The following ZNF37A variants were observed in gnomAD, a reference collection of about 807,000 sequenced individuals.
ZNF37A encodes zinc finger protein 37a (KOX 21).
Under a neutral mutation model 12.3 loss-of-function variants are expected in ZNF37A, and 10 were observed. The ratio of observed to expected loss-of-function variants is 0.82; its 90% CI spans 0.50 to 1.38. ZNF37A has a LOEUF of 1.38. Among genes scored for constraint, ZNF37A ranks in the 40% most tolerant of loss-of-function variants. The pLI, the probability that ZNF37A is intolerant of heterozygous loss-of-function variation, is 0.00. For missense variants in ZNF37A, 580 were observed against 651.2 expected, an observed-to-expected ratio of 0.89 and a Z score of 1.19; for synonymous variants, 207 against 223.0, an observed-to-expected ratio of 0.93 and a Z score of 0.64.
At chr10:38,145,196 A>T (rs1355216959) in intron 7 of ZNF37A, among the ~76,000 whole-genome samples, 1 of 138,194 alleles carries the variant, frequency 7.2e-6, no homozygotes, top group East Asian at 2.2e-4. Flanking sequence ...AAAATGAACA[A>T]CAATAAAAGC....
chr10:38,097,194 C>T (rs748697725), intron 5 of ZNF37A, among the ~76,000 whole-genome samples: 9 of 152,132 alleles, frequency 5.9e-5, no homozygotes, highest in Non-Finnish European at 1.2e-4. Context: ...GACAATCTTG[C>T]AGTTACATGA....
intron 7 of ZNF37A, among the ~76,000 whole-genome samples, chr10:38,135,277 C>T (rs1328353255): frequency 6.6e-6 from 1 of 152,178 alleles, no homozygotes; most frequent in Admixed American, 6.5e-5. Flanking sequence ...CCCAGCTACT[C>T]AGGAGGCTGA....
chr10:38,115,830 C>G (rs1052558894), intron 7 of ZNF37A: 36 of 152,258 alleles, frequency 2.4e-4, no homozygotes, highest in African/African-American at 8.7e-4. Context: ...GGGAGGATCA[C>G]TTCAGCCCAG....
intron 5 of ZNF37A, among the ~76,000 whole-genome samples, chr10:38,099,950 C>T (rs187598608): frequency 1.2e-4 from 19 of 152,238 alleles, no homozygotes; most frequent in Non-Finnish European, 2.2e-4. Flanking sequence ...GGAACCTGCT[C>T]CGATAGTCAC....
At chr10:38,114,731 C>A in intron 5 of ZNF37A, 24 bp from the exon 6 acceptor site, 3 of 1,613,940 alleles carry the variant, frequency 1.9e-6, no homozygotes, top group Non-Finnish European at 2.5e-6. Flanking sequence ...TCACTTCAGA[C>A]TGAGCAAAAT....
rs2069847477 is a variant in ZNF37A, at chr10:38,123,770, A to G, written c.*4933A>G. On this transcript the variant is annotated 3_prime_UTR_variant, in exon 8 of 8. Transcript: ENST00000685332. ...ATCATTGATCCATTAGAGAAATGCA[A>G]ATCAAAACTACAATAAGATATCATC... 1 of 152,210 alleles carries G rather than the reference A, an allele frequency of 6.6e-6. No individual in the cohort carries two copies. The highest frequency in any genetic ancestry group is 2.1e-4 in the South Asian group (1 of 4,828). 9.4% of individuals were successfully genotyped at this position (152,210 alleles called of 1,614,324 possible). A position where few individuals can be genotyped will look rare whatever the true frequency, so the allele number is the denominator to read the frequency against.
intron 7 of ZNF37A, among the ~76,000 whole-genome samples, chr10:38,135,020 T>C (rs2070088732): frequency 6.6e-6 from 1 of 152,242 alleles, no homozygotes; most frequent in Non-Finnish European, 1.5e-5. Flanking sequence ...TGGTAGTTAC[T>C]ATAGGGATTA....
At chr10:38,146,809 G>C (rs903177423) in exon 8 of ZNF37A, 1 of 398,254 alleles carries the variant, frequency 2.5e-6, no homozygotes, top group African/African-American at 2.1e-5. Flanking sequence ...GACTCCAACC[G>C]AGCGGCACTA....
At position 38,117,738 on chromosome 10, in the gene ZNF37A, C is replaced by G. The variant is rs867818579; in HGVS notation, c.587C>G (p.Pro196Arg). The part of the protein sequence containing the change: ...SFFITHQQTH[P>R]RENHYGNECG... The stretch of plus-strand genomic sequence containing the variant: ...TTCATCACTCATCAGCAAACACATC[C>G]AAGAGAAAACCACTATGGTAATGAA... Residue 196 changes from proline to arginine, a missense_variant, in exon 8 of 8, where the codon CCA (proline) becomes CGA (arginine). By Grantham distance (103) the Pro-to-Arg change is moderately radical (BLOSUM62 -2). Coordinates refer to ENST00000685332, the MANE Select transcript of ZNF37A (RefSeq NM_001324250.3). The G allele has an allele frequency of 2.5e-6, 4 of 1,613,894 alleles. No individual in the cohort carries two copies. Among genetic ancestry groups the G allele is most frequent in the East Asian group, 2.2e-5 (1 of 44,844 alleles).
intron 7 of ZNF37A, chr10:38,141,317 G>A (rs932883756): frequency 5.3e-5 from 8 of 152,150 alleles, no homozygotes; most frequent in Non-Finnish European, 1.0e-4. Flanking sequence ...AAGCTAAACC[G>A]AGTGATTGCG....
At chr10:38,149,587 T>G (rs2070300875) in exon 8 of ZNF37A, 1 of 147,446 alleles carries the variant, frequency 6.8e-6, no homozygotes, top group Non-Finnish European at 1.5e-5. Flanking sequence ...TTTTTTTTTT[T>G]TTTTTGAGAG....
chr10:38,117,551 A>G lies in ZNF37A; in HGVS notation c.400A>G (p.Ile134Val), dbSNP rs1409200766. 1 of 1,613,542 alleles carries G rather than the reference A, an allele frequency of 6.2e-7. No individual in the cohort carries two copies. Among genetic ancestry groups the G allele is most frequent in the Non-Finnish European group, 8.5e-7 (1 of 1,179,848 alleles). Residue 134 changes from isoleucine to valine, a missense_variant, in exon 8 of 8, where the codon ATT becomes GTT. Transcript: ENST00000685332. ...GNSFWLNEDL[I>V]WHQKIKNWEQ... ...CAGCTTCTGGCTGAATGAAGACCTC[A>G]TTTGGCATCAGAAAATTAAAAATTG...
Position 38,121,350 on chromosome 10 carries a change from A to G in ZNF37A, c.*2513A>G, listed in dbSNP as rs142422849. The G allele has an allele frequency of 2.0e-5, 3 of 152,120 alleles. No homozygotes were observed. The highest frequency in any genetic ancestry group is 2.9e-5 in the Non-Finnish European group (2 of 68,014). 9.4% of individuals were successfully genotyped at this position (152,120 alleles called of 1,614,324 possible). A position where few individuals can be genotyped will look rare whatever the true frequency, so the allele number is the denominator to read the frequency against. On this transcript the variant is annotated 3_prime_UTR_variant, in exon 8 of 8. Coordinates refer to ENST00000685332, the MANE Select transcript of ZNF37A (RefSeq NM_001324250.3). ...AGATGTTTATTAGGGCAATCAAAAGATTTATTATTTTAAAAAAATCAGTGT... is the reference window on the plus strand; with the variant it reads ...AGATGTTTATTAGGGCAATCAAAAGGTTTATTATTTTAAAAAAATCAGTGT...
intron 5 of ZNF37A, among the ~76,000 whole-genome samples, chr10:38,106,657 A>C (rs2068120910): frequency 6.6e-6 from 1 of 152,158 alleles, no homozygotes; most frequent in Admixed American, 6.5e-5. Context: ...AGAGAAGAAC[A>C]TAAATCACCT....
intron 5 of ZNF37A, among the ~76,000 whole-genome samples, chr10:38,099,919 T>G (rs2067425816): frequency 6.6e-6 from 1 of 152,226 alleles, no homozygotes. Context: ...TTTATATATC[T>G]TTTATGGTGA....
chr10:38,133,841 G>A (rs192958107), intron 7 of ZNF37A, among the ~76,000 whole-genome samples: 41 of 152,254 alleles, frequency 2.7e-4, no homozygotes, highest in Non-Finnish European at 4.1e-4. Context: ...GTAATGGGAT[G>A]GTTGGGTCAA....
intron 5 of ZNF37A, among the ~76,000 whole-genome samples, chr10:38,098,665 T>C (rs1392002672): frequency 6.6e-6 from 1 of 152,216 alleles, no homozygotes; most frequent in Non-Finnish European, 1.5e-5. Flanking sequence ...TAGTTTTTCA[T>C]TTAAATGCTA....
At chr10:38,094,811 C>G (rs1337515280) in intron 1 of ZNF37A, 120 bp from the exon 2 acceptor site, 1 of 152,302 alleles carries the variant, frequency 6.6e-6, no homozygotes, top group Non-Finnish European at 1.5e-5. Flanking sequence ...CGCGGTGTCA[C>G]TGCGATGCCG....
chr10:38,136,405 C>T (rs781159629), intron 7 of ZNF37A, among the ~76,000 whole-genome samples: 2 of 152,162 alleles, frequency 1.3e-5, no homozygotes, highest in African/African-American at 2.4e-5. Flanking sequence ...CCACCCACCT[C>T]GGCCTCCCAA....
Sources: gnomAD v4.1 joint callset for allele counts (sites outside exome capture counted in the v4.1 genomes callset) on GRCh38, gnomAD v4.1.1 for gene constraint, MANE v1.5 for transcripts, NCBI Gene and HGNC (gene_info 2026-07-23, HGNC 2026-07-21) for gene names.